Variants in TMEM64 observed in about 807,000 individuals in gnomAD.
TMEM64 encodes the protein transmembrane protein 64.
TMEM64 carries 19 observed loss-of-function variants against 24.5 expected under a neutral mutation model. The ratio of observed to expected loss-of-function variants is 0.78; its 90% CI spans 0.54 to 1.14. The LOEUF (loss-of-function observed/expected upper bound fraction) is 1.14, where lower values mean the gene tolerates loss of function less well. TMEM64 is among the 50% of genes most tolerant of loss of function. The pLI, the probability that TMEM64 is intolerant of heterozygous loss-of-function variation, is 0.00. For synonymous variants in TMEM64, 262 were observed against 224.7 expected (o/e 1.17, Z -1.49); for missense variants, 487 against 493.0 (o/e 0.99, Z 0.12).
At position 90,645,008 on chromosome 8, in the gene TMEM64, A is replaced by C. The variant is rs1809667094; in HGVS notation, c.795+103T>G. On this transcript the variant is annotated intron_variant, in intron 1 of 2. Coordinates refer to ENST00000458549, the MANE Select transcript of TMEM64 (RefSeq NM_001008495.4). This position sits in a 1 kb window ranked among gnomAD's most constrained non-coding sequence, Gnocchi z 4.2. ...AATCGTAACTCCTGCCGTCAATGTC[A>C]CTTCTCTGCTGGTATTTATCTGATA... is the stretch of plus-strand genomic sequence containing the variant. 6 of 1,258,966 alleles carry C rather than the reference A, an allele frequency of 4.8e-6. No homozygotes were observed. The highest frequency in any genetic ancestry group is 6.7e-6 in the Non-Finnish European group (6 of 900,512). 78.0% of individuals were successfully genotyped at this position (1,258,966 alleles called of 1,614,324 possible).
At position 90,625,643 on chromosome 8, in the gene TMEM64, C is replaced by A. The variant is rs200849109; in HGVS notation, c.*28G>T. 4.3e-5 allele frequency: 69 copies of A among 1,592,514 alleles called. No individual in the cohort carries two copies. Among genetic ancestry groups the A allele is most frequent in the Non-Finnish European group, 6.9e-6 (8 of 1,164,042 alleles). On this transcript the variant is annotated 3_prime_UTR_variant, in exon 3 of 3. Coordinates refer to ENST00000458549, the MANE Select transcript of TMEM64 (RefSeq NM_001008495.4). ...GCTAGACCTTAGATAGCACACTAGG[C>A]TCTTGACAATCACGTATCTCATTAG...
rs370084394 is a variant in TMEM64, at chr8:90,631,666, C to T, written c.837G>A (p.Ser279=). The T allele has an allele frequency of 3.9e-5, 63 of 1,613,390 alleles. No homozygotes were observed. Among genetic ancestry groups the T allele is most frequent in the African/African-American group, 6.7e-5 (5 of 74,878 alleles). The change falls in exon 2 of 3, where the codon TCG becomes TCA. Residue 279 remains serine (S), a synonymous_variant. Coordinates refer to ENST00000458549, the MANE Select transcript of TMEM64 (RefSeq NM_001008495.4). ...GAAGCTGGGTAGGAAGCAGTCCAAC[C>T]GAAGATGCCATCAGATAGTTGGGTA... is the stretch of plus-strand genomic sequence containing the variant. The part of the protein sequence containing the change: ...LSLPNYLMAS[S]VGLLPTQLLN...
chr8:90,645,182 T>C lies in TMEM64; in HGVS notation c.724A>G (p.Ser242Gly). Residue 242 changes from serine to glycine, a missense_variant, in exon 1 of 3, where the codon AGC becomes GGC. Physicochemically the swap from Ser to Gly is moderately conservative, Grantham distance 56. Around this residue, in one of 3 missense-constraint regions of TMEM64, gnomAD observed 419 missense variants for 407.5 expected, o/e 1.03. Transcript: ENST00000458549. The surrounding 1 kb of genome is among the most constrained non-coding windows in gnomAD (Gnocchi z 4.2). ...SAVIRVVEGG[S>G]GLKVVALARL... The stretch of plus-strand genomic sequence containing the variant: ...GCCAGCGCCACCACTTTCAGGCCGC[T>C]TCCTCCCTCCACTACGCGAATAACC... 6.2e-7 allele frequency: 1 copy of C among 1,614,146 alleles called. No individual in the cohort carries two copies. The highest frequency in any genetic ancestry group is 8.5e-7 in the Non-Finnish European group (1 of 1,179,998).
intron 2 of TMEM64, among the ~76,000 whole-genome samples, chr8:90,629,153 A>C (rs954515284): frequency 2.0e-5 from 3 of 152,178 alleles, no homozygotes; most frequent in African/African-American, 7.2e-5. Context: ...TCCTGATACA[A>C]ATTAAGCTGT....
intron 2 of TMEM64, among the ~76,000 whole-genome samples, chr8:90,626,160 T>A (rs1171764047): frequency 2.6e-5 from 4 of 152,188 alleles, no homozygotes; most frequent in Non-Finnish European, 5.9e-5. Flanking sequence ...CCAAAAAGCT[T>A]TCTTCAAGGA....
At chr8:90,638,096 C>A (rs542570451) in intron 1 of TMEM64, among the ~76,000 whole-genome samples, 1 of 151,460 alleles carries the variant, frequency 6.6e-6, no homozygotes. Flanking sequence ...ACACAGACTA[C>A]CCCCACTCAC....
intron 1 of TMEM64, 60 bp from the exon 2 acceptor site, chr8:90,631,767 A>T: frequency 6.8e-7 from 1 of 1,470,094 alleles, no homozygotes; most frequent in Admixed American, 1.7e-5. Flanking sequence ...TTCAACATAA[A>T]AAAATGTGTG....
chr8:90,638,596 T>C (rs1452567234), intron 1 of TMEM64, among the ~76,000 whole-genome samples: 1 of 152,228 alleles, frequency 6.6e-6, no homozygotes, highest in African/African-American at 2.4e-5. Context: ...CTGTCGTTCT[T>C]GGTCCTCATT....
At position 90,645,106 on chromosome 8, in the gene TMEM64, C is replaced by A; in HGVS notation, c.795+5G>T. 1 of 1,598,004 alleles carries A rather than the reference C, an allele frequency of 6.3e-7. No homozygotes were observed. Among genetic ancestry groups the A allele is most frequent in the Non-Finnish European group, 8.6e-7 (1 of 1,168,682 alleles). On this transcript the variant is annotated splice_donor_5th_base_variant and intron_variant, in intron 1 of 2. Transcript: ENST00000458549. This position sits in a 1 kb window ranked among gnomAD's most constrained non-coding sequence, Gnocchi z 4.2. ...AGAGGGATAGGCCAGCGGGACCCCA[C>A]TTACCGAAAACACTGCATTCTGAAG...
intron 2 of TMEM64, among the ~76,000 whole-genome samples, chr8:90,626,383 G>A (rs1196347334): frequency 1.3e-5 from 2 of 152,062 alleles, no homozygotes; most frequent in Non-Finnish European, 2.9e-5. Context: ...AACTTCCAAA[G>A]AATTAACAAG....
intron 2 of TMEM64, among the ~76,000 whole-genome samples, chr8:90,630,624 A>G (rs1393751502): frequency 1.3e-5 from 2 of 152,200 alleles, no homozygotes; most frequent in Admixed American, 6.5e-5. Flanking sequence ...AATTCAAGCT[A>G]TCAATGTGAT....
chr8:90,634,068 G>T (rs1366073012), intron 1 of TMEM64, among the ~76,000 whole-genome samples: 1 of 151,562 alleles, frequency 6.6e-6, no homozygotes, highest in Admixed American at 6.6e-5. Flanking sequence ...AGAGTATATT[G>T]TTGGTTTCTA....
chr8:90,637,394 G>A (rs1325606196), intron 1 of TMEM64, among the ~76,000 whole-genome samples: 1 of 151,916 alleles, frequency 6.6e-6, no homozygotes, highest in Non-Finnish European at 1.5e-5. Context: ...AGAATATCTT[G>A]GCATGGATGT....
At chr8:90,631,473 A>G (rs982298935) in intron 2 of TMEM64, 79 bp downstream of exon 2, 8 of 1,225,592 alleles carry the variant, frequency 6.5e-6, no homozygotes, top group African/African-American at 3.0e-5. Flanking sequence ...ATTATTTTCA[A>G]TGAAATCTGT....
intron 1 of TMEM64, among the ~76,000 whole-genome samples, chr8:90,633,316 T>C (rs1809467203): frequency 6.6e-6 from 1 of 152,076 alleles, no homozygotes; most frequent in Non-Finnish European, 1.5e-5. Flanking sequence ...TCTGGAAAAA[T>C]AGCCAGTCAA....
Position 90,625,826 on chromosome 8 carries a change from G to T in TMEM64, c.988C>A (p.His330Asn), listed in dbSNP as rs1383217181. 2 of 1,613,098 alleles carry T rather than the reference G, an allele frequency of 1.2e-6. No homozygotes were observed. The highest frequency in any genetic ancestry group is 1.7e-6 in the Non-Finnish European group (2 of 1,179,540). ...GCATTCAATTCCACTTGAGCTCGAT[G>T]AACTACATAAAACATGAGGCCTATA... The part of the protein sequence containing the change: ...ISIGLMFYVV[H>N]RAQVELNAAI... The change falls in exon 3 of 3, where the codon CAT (histidine) becomes AAT (asparagine). Residue 330 changes from histidine to asparagine, a missense_variant. Physicochemically the swap from His to Asn is moderately conservative, Grantham distance 68 (BLOSUM62 1). Transcript: ENST00000458549.
At chr8:90,643,813 A>T (rs1349614771) in intron 1 of TMEM64, among the ~76,000 whole-genome samples, 1 of 152,198 alleles carries the variant, frequency 6.6e-6, no homozygotes, top group Non-Finnish European at 1.5e-5. Flanking sequence ...CTAACACTAA[A>T]CTTTATCTCT....
In TMEM64 at chr8:90,631,710, A is replaced by G; in HGVS notation, c.796-3T>C. 1.2e-6 allele frequency: 2 copies of G among 1,608,776 alleles called. No individual in the cohort carries two copies. Among genetic ancestry groups the G allele is most frequent in the Non-Finnish European group, 1.7e-6 (2 of 1,176,150 alleles). On this transcript the variant is annotated splice_polypyrimidine_tract_variant and splice_region_variant and intron_variant, in intron 1 of 2. Coordinates refer to ENST00000458549, the MANE Select transcript of TMEM64 (RefSeq NM_001008495.4). ...TTGGGTAATGAGAGATCAGTAATCT[A>G]GAAGAGTAGATTAAAGGGAATGATT...
rs1276459535 is a variant in TMEM64 at position 90,623,904 on chromosome 8, A to G, written c.*1767T>C. On this transcript the variant is annotated 3_prime_UTR_variant, in exon 3 of 3. Transcript: ENST00000458549. ...TGGTTGGGATTGTTAAACTAAAATC[A>G]TTAAACGAAAACCAGCAACTAGATT... The G allele has an allele frequency of 6.6e-6, 1 of 151,846 alleles. No homozygotes were observed. The highest frequency in any genetic ancestry group is 1.5e-5 in the Non-Finnish European group (1 of 67,912). 9.4% of individuals were successfully genotyped at this position (151,846 alleles called of 1,614,324 possible).
Sources: allele counts gnomAD v4.1 joint callset (sites outside exome capture counted in the v4.1 genomes callset), GRCh38; gene constraint gnomAD v4.1.1; regional missense constraint gnomAD v4.1.1; non-coding constraint Gnocchi (gnomAD v3.1); transcripts MANE v1.5; gene names NCBI Gene and HGNC (gene_info 2026-07-23, HGNC 2026-07-21).